Variants in PLEC observed in about 807,000 individuals in gnomAD.
PLEC encodes hemidesmosomal protein 1.
A neutral mutation model predicts 392.8 loss-of-function variants in PLEC; 216 were observed. The observed-to-expected ratio is 0.55, with a 90% CI of 0.49 to 0.62. The LOEUF (loss-of-function observed/expected upper bound fraction) is 0.62, where lower values mean the gene tolerates loss of function less well. Ranked by LOEUF, PLEC falls within the 20% of genes least tolerant of loss-of-function variation. The pLI is 0.00. For synonymous variants in PLEC, 3,621 were observed against 2,980.6 expected, an observed-to-expected ratio of 1.21 and a Z score of -7.00; for missense variants, 6,863 against 6,563.4, an observed-to-expected ratio of 1.05 and a Z score of -1.58.
upstream of PLEC, among the ~76,000 whole-genome samples, chr8:143,957,569 C>G (rs1449675270): frequency 6.6e-6 from 1 of 152,196 alleles, no homozygotes; most frequent in Non-Finnish European, 1.5e-5. Context: ...AAGGTTGAGC[C>G]CAGGCACCAC....
At chr8:143,949,519 C>A (rs1172249368) in intron 1 of PLEC, among the ~76,000 whole-genome samples, 1 of 152,144 alleles carries the variant, frequency 6.6e-6, no homozygotes, top group Non-Finnish European at 1.5e-5. Flanking sequence ...TCCTGTGCGA[C>A]CTGGTTCGTA....
chr8:143,944,687 G>T (rs529048411), intron 1 of PLEC: 2 of 1,323,912 alleles, frequency 1.5e-6, no homozygotes. Flanking sequence ...AGGAGCCCAC[G>T]GGGCAGACGG....
chr8:143,917,071 C>T lies in PLEC; in HGVS notation c.12750G>A (p.Val4250=), dbSNP rs1820809049. 2.5e-6 allele frequency: 4 copies of T among 1,607,184 alleles called. No individual in the cohort carries two copies. The highest frequency in any genetic ancestry group is 3.4e-6 in the Non-Finnish European group (4 of 1,175,082). Residue 4250 remains valine, a synonymous_variant, in exon 32 of 32, where the codon GTG becomes GTA. Coordinates refer to ENST00000345136, the MANE Select transcript of PLEC (RefSeq NM_201384.3). Reference sequence around the variant, plus strand: ...TGATGGGGTAGGAGGAGGAGGATCCCACCGAGGAGGAACGGGAGCGGAAAC... The same window carrying T: ...TGATGGGGTAGGAGGAGGAGGATCCTACCGAGGAGGAACGGGAGCGGAAAC... ...AGGFRSRSSS[V]GSSSSYPISP...
intron 1 of PLEC, chr8:143,944,733 G>A (rs775001775): frequency 4.7e-6 from 6 of 1,266,444 alleles, no homozygotes; most frequent in East Asian, 6.2e-5. Flanking sequence ...CAGGCCCCTC[G>A]GAGGAGGCAC....
intron 11 of PLEC, 79 bp downstream of exon 11, chr8:143,934,239 G>C: frequency 6.3e-7 from 1 of 1,599,556 alleles, no homozygotes; most frequent in Non-Finnish European, 8.5e-7. Flanking sequence ...CGCCGGGGGC[G>C]GGGCGGGGAG....
upstream of PLEC, chr8:143,953,943 G>A (rs1258502459): frequency 2.9e-6 from 4 of 1,392,880 alleles, no homozygotes; most frequent in South Asian, 1.6e-5. Context: ...GCCGCCCCGG[G>A]CGCATGCTCC....
In PLEC at chr8:143,924,028, C is replaced by T. The variant is rs1554695369; in HGVS notation, c.5901G>A (p.Leu1967=). Residue 1967 remains leucine (L), a synonymous_variant, in exon 31 of 32, where the codon CTG becomes CTA. Coordinates refer to ENST00000345136, the MANE Select transcript of PLEC (RefSeq NM_201384.3). Reference sequence around the variant, plus strand: ...CCAGCTGCCGCTGCCTCGCAGCCTCCAGCTCGGCCTGCTCCTTGCTGCGCA... The same window carrying T: ...CCAGCTGCCGCTGCCTCGCAGCCTCTAGCTCGGCCTGCTCCTTGCTGCGCA... ...DTLRSKEQAE[L]EAARQRQLAA... 6.3e-7 allele frequency: 1 copy of T among 1,592,382 alleles called. No homozygotes were observed. The highest frequency in any genetic ancestry group is 1.7e-5 in the Admixed American group (1 of 59,650).
upstream of PLEC, chr8:143,943,858 C>A: frequency 6.2e-7 from 1 of 1,612,252 alleles, no homozygotes; most frequent in Non-Finnish European, 8.5e-7. Context: ...CCACAACCAC[C>A]AGGGAGGGAA....
intron 28 of PLEC, 37 bp downstream of exon 28, chr8:143,927,215 C>T (rs782189728): frequency 2.0e-5 from 32 of 1,602,914 alleles, no homozygotes; most frequent in Non-Finnish European, 2.4e-5. Flanking sequence ...GGCAACGGTC[C>T]CGGACTTGGG....
chr8:143,950,529 G>A, exon 1 of PLEC: 1 of 1,607,592 alleles, frequency 6.2e-7, no homozygotes, highest in East Asian at 2.2e-5. Flanking sequence ...TCGCGGACCA[G>A]GCCCCGTGCC....
rs782227282 is a variant in PLEC, at chr8:143,934,856, G to A, written c.899C>T (p.Ala300Val). The change falls in exon 9 of 32, where the codon GCC becomes GTC. Residue 300 changes from alanine to valine, a missense_variant. Coordinates refer to ENST00000345136, the MANE Select transcript of PLEC (RefSeq NM_201384.3). ...LLLQWMRHHTAAFEERRFPSS... is the reference protein window; with the variant it reads ...LLLQWMRHHTVAFEERRFPSS... ...GGGGAACCTGCGTTCCTCAAAGGCG[G>A]CCGTGTGGTGTCGCATCCACTGAAG... 9 of 1,611,336 alleles carry A rather than the reference G, an allele frequency of 5.6e-6. No individual in the cohort carries two copies. In the East Asian group the frequency reaches 2.0e-4, roughly 36 times the overall value.
intron 12 of PLEC, 147 bp downstream of exon 12, chr8:143,933,851 C>T (rs2131997396): frequency 1.4e-6 from 1 of 692,786 alleles, no homozygotes; most frequent in Non-Finnish European, 2.5e-6. Flanking sequence ...GAGCTCAGGC[C>T]TGGATTCCCC....
intron 19 of PLEC, 52 bp from the exon 20 acceptor site, chr8:143,930,588 G>T (rs1554714305): frequency 2.6e-6 from 4 of 1,545,838 alleles, no homozygotes; most frequent in Non-Finnish European, 2.6e-6. Context: ...CCACAGGCCT[G>T]CCCCAGGCAC....
Position 143,929,829 on chromosome 8 carries a change from AC to A in PLEC, c.2740-1del, listed in dbSNP as rs1564103045. The A allele has an allele frequency of 1.3e-6, 2 of 1,599,556 alleles. No homozygotes were observed. The highest frequency in any genetic ancestry group is 2.2e-5 in the South Asian group (2 of 90,904). On this transcript the variant is annotated splice_acceptor_variant, in intron 22 of 31. Coordinates refer to ENST00000345136, the MANE Select transcript of PLEC (RefSeq NM_201384.3). LOFTEE classifies it high-confidence loss of function. Reference sequence around the variant, plus strand: ...TGCTCCTCTGGCTTCAGGGTGCGGAACTGGGGGAAGCACGTGGGGCTGAGTG... The same window carrying A: ...TGCTCCTCTGGCTTCAGGGTGCGGAATGGGGGAAGCACGTGGGGCTGAGTG...
chr8:143,937,138 G>C (rs921791245), intron 4 of PLEC, 27 bp downstream of exon 4: 6 of 1,609,196 alleles, frequency 3.7e-6, no homozygotes, highest in Non-Finnish European at 4.2e-6. Context: ...GTCTGGGTGG[G>C]GCCCAGGGCC....
chr8:143,939,478 C>T lies in PLEC; in HGVS notation c.-17G>A, dbSNP rs372521851. 2.2e-5 allele frequency: 36 copies of T among 1,605,244 alleles called. No individual in the cohort carries two copies. Among genetic ancestry groups the T allele is most frequent in the Non-Finnish European group, 2.7e-5 (32 of 1,177,010 alleles). On this transcript the variant is annotated 5_prime_UTR_variant, in exon 1 of 32. Coordinates refer to ENST00000345136, the MANE Select transcript of PLEC (RefSeq NM_201384.3). ...CTGAGACATGCTGCCCCCACACCTT[C>T]GTCGCCCGGACCCTCGGCCTCAGGC...
At chr8:143,943,976 G>A (rs868995003), upstream of PLEC, 1 of 1,544,294 alleles carries the variant, frequency 6.5e-7, no homozygotes, top group Middle Eastern at 2.1e-4. Context: ...CTGCGTGCAG[G>A]GCGAGCGAGG....
rs202175941 is a variant in PLEC at position 143,918,885 on chromosome 8, G to A, written c.10936C>T (p.Arg3646Cys). 264 of 1,612,234 alleles carry A rather than the reference G, an allele frequency of 1.6e-4. No homozygotes were observed. The highest frequency in any genetic ancestry group is 5.6e-4 in the East Asian group (25 of 44,872). Residue 3646 changes from arginine (R) to cysteine (C), a missense_variant, in exon 32 of 32, where the codon CGC becomes TGC. Coordinates refer to ENST00000345136, the MANE Select transcript of PLEC (RefSeq NM_201384.3). ...GLASYDYVRR[R>C]LTAEDLFEAR... ...TCGAACAGGTCCTCAGCCGTGAGGC[G>A]GCGGCGCACGTAGTCGTAGGAGGCC... is the stretch of plus-strand genomic sequence containing the variant.
Position 143,924,927 on chromosome 8 carries a change from C to T in PLEC, c.5002G>A (p.Glu1668Lys), listed in dbSNP as rs1554699809. 1 of 1,584,886 alleles carries T rather than the reference C, an allele frequency of 6.3e-7. No homozygotes were observed. ...AQAEAEKQKE[E>K]AEREARRRGK... is the part of the protein sequence containing the mutation. The stretch of plus-strand genomic sequence containing the variant: ...CGCCGCCGCGCCTCGCGCTCCGCCT[C>T]CTCCTTCTGCTTCTCAGCCTCGGCC... Residue 1668 changes from glutamate to lysine, a missense_variant, in exon 31 of 32, where the codon GAG (glutamate) becomes AAG (lysine). By Grantham distance (56) the Glu-to-Lys change is moderately conservative. Transcript: ENST00000345136.
Sources: gnomAD v4.1 joint callset for allele counts (sites outside exome capture counted in the v4.1 genomes callset) on GRCh38, gnomAD v4.1.1 for gene constraint, MANE v1.5 for transcripts, NCBI Gene and HGNC (gene_info 2026-07-23, HGNC 2026-07-21) for gene names.